Variants in MACF1 observed in about 807,000 individuals in gnomAD.
MACF1 encodes microtubule actin crosslinking factor 1.
A neutral mutation model predicts 854.8 loss-of-function variants in MACF1; 193 were observed. The ratio of observed to expected loss-of-function variants is 0.23; its 90% CI spans 0.20 to 0.25. The LOEUF (loss-of-function observed/expected upper bound fraction) is 0.25, where lower values mean the gene tolerates loss of function less well. Among genes scored for constraint, MACF1 ranks in the 10% least tolerant of loss-of-function variants. The pLI is 1.00. For synonymous variants in MACF1, 3,185 were observed against 3,226.7 expected, an observed-to-expected ratio of 0.99 and a Z score of 0.44; for missense variants, 7,722 against 8,929.1, an observed-to-expected ratio of 0.86 and a Z score of 5.45.
Position 39,385,736 on chromosome 1 carries a change from G to C in MACF1, c.14151G>C (p.Glu4717Asp), listed in dbSNP as rs768846224. Residue 4717 changes from glutamate to aspartate, a missense_variant, in exon 57 of 101, where the codon GAG becomes GAC. Physicochemically the swap from Glu to Asp is conservative, Grantham distance 45. This residue lies in a region of MACF1 where 2,807 missense variants were observed against 3,235.8 expected (regional missense o/e 0.87). Transcript: ENST00000564288. ...AGTCAGCTATCAGCACCCAACCAGAGGCTGTAAAGCAGCAATTGGAAGAGA... is the reference window on the plus strand; with the variant it reads ...AGTCAGCTATCAGCACCCAACCAGACGCTGTAAAGCAGCAATTGGAAGAGA... The part of the protein sequence containing the change: ...SVQSAISTQP[E>D]AVKQQLEETS... The C allele has an allele frequency of 6.2e-7, 1 of 1,614,102 alleles. No homozygotes were observed. The highest frequency in any genetic ancestry group is 8.5e-7 in the Non-Finnish European group (1 of 1,180,024).
chr1:39,115,580 G>A (rs1316869311), intron 2 of MACF1, among the ~76,000 whole-genome samples: 1 of 152,134 alleles, frequency 6.6e-6, no homozygotes, highest in Non-Finnish European at 1.5e-5. Context: ...TCTGAGGGAT[G>A]CTAGGTAGAG....
chr1:39,393,541 G>A (rs1015807336), intron 58 of MACF1, among the ~76,000 whole-genome samples: 1 of 152,010 alleles, frequency 6.6e-6, no homozygotes, highest in African/African-American at 2.4e-5. Context: ...AGGCACAGTG[G>A]CTCACACCTA....
chr1:39,436,578 T>G (rs147693306), intron 70 of MACF1: 2 of 1,269,002 alleles, frequency 1.6e-6, no homozygotes, highest in Non-Finnish European at 2.3e-6. Flanking sequence ...CCCTTAACTT[T>G]AGTGGAATAA....
At chr1:39,450,315 T>G (rs1346954364) in intron 84 of MACF1, among the ~76,000 whole-genome samples, 1 of 151,312 alleles carries the variant, frequency 6.6e-6, no homozygotes, top group Non-Finnish European at 1.5e-5. Flanking sequence ...TTTTTTTTTT[T>G]TATGAGGTGA....
intron 2 of MACF1, among the ~76,000 whole-genome samples, chr1:39,093,305 C>CTTT (rs34921076): frequency 1.7e-4 from 9 of 54,124 alleles, no homozygotes; most frequent in Non-Finnish European, 2.3e-4. Context: ...TACTCCACTT[C>CTTT]TTTTTTTTTT....
At chr1:39,368,925 A>G (rs1009947352) in intron 50 of MACF1, among the ~76,000 whole-genome samples, 1 of 152,150 alleles carries the variant, frequency 6.6e-6, no homozygotes, top group Admixed American at 6.5e-5. Flanking sequence ...AGATTACAGA[A>G]TAATTTTGAA....
At chr1:39,450,920 T>C in intron 84 of MACF1, 132 bp from the exon 85 acceptor site, 2 of 1,084,246 alleles carry the variant, frequency 1.8e-6, no homozygotes, top group Non-Finnish European at 2.7e-6. Context: ...CTTTACTGTA[T>C]TTCTAACTGT....
rs368764590 is a variant in MACF1 at position 39,385,673 on chromosome 1, A to G, written c.14088A>G (p.Ser4696=). ...ACCAGGAACTGCTCCAGGACTTATC[A>G]GAGAAGGTGAGGGCAGTTGGACAAC... ...TQYQELLQDL[S]EKVRAVGQRL... The change falls in exon 57 of 101, where the codon TCA becomes TCG. Residue 4696 remains serine, a synonymous_variant. Coordinates refer to ENST00000564288, the MANE Select transcript of MACF1 (RefSeq NM_001394062.1). 1.2e-5 allele frequency: 19 copies of G among 1,614,100 alleles called. No homozygotes were observed. The highest frequency in any genetic ancestry group is 1.6e-5 in the Non-Finnish European group (19 of 1,180,044).
rs1432759948 is a variant in MACF1 at position 39,323,019 on chromosome 1, T to C, written c.4236+11T>C. 3 of 1,612,962 alleles carry C rather than the reference T, an allele frequency of 1.9e-6. No individual in the cohort carries two copies. The highest frequency in any genetic ancestry group is 2.2e-5 in the South Asian group (2 of 91,062). ...CTGGAGGAGGAGGAGGTGAGGACAGTTGGGTCCAAAGTCATCTTGAAAGTA... is the reference window on the plus strand; with the variant it reads ...CTGGAGGAGGAGGAGGTGAGGACAGCTGGGTCCAAAGTCATCTTGAAAGTA... On this transcript the variant is annotated intron_variant, in intron 33 of 100. Transcript: ENST00000564288.
chr1:39,262,305 G>C (rs1645172033), intron 6 of MACF1, among the ~76,000 whole-genome samples: 1 of 141,348 alleles, frequency 7.1e-6, no homozygotes, highest in African/African-American at 2.6e-5. Flanking sequence ...AGGCTGCAAA[G>C]CATGAGAATC....
chr1:39,385,880 G>A lies in MACF1; in HGVS notation c.14295G>A (p.Lys4765=), dbSNP rs1413530556. 5 of 1,613,838 alleles carry A rather than the reference G, an allele frequency of 3.1e-6. No homozygotes were observed. The highest frequency in any genetic ancestry group is 4.2e-6 in the Non-Finnish European group (5 of 1,179,874). The part of the protein sequence containing the change: ...GEQYLKDELK[K]RLETVALPLQ... ...AGTACCTCAAGGATGAACTGAAGAA[G>A]CGTTTGGAGACAGTTGCCCTGCCTC... The change falls in exon 57 of 101, where the codon AAG becomes AAA. Residue 4765 remains lysine, a synonymous_variant. Transcript: ENST00000564288.
chr1:39,284,247 A>C, intron 10 of MACF1, 62 bp downstream of exon 10: 3 of 1,592,054 alleles, frequency 1.9e-6, no homozygotes, highest in Non-Finnish European at 2.6e-6. Context: ...CTCCAAGCTT[A>C]TCACTGCTGG....
chr1:39,310,516 T>G, intron 25 of MACF1, 88 bp downstream of exon 25: 1 of 1,345,454 alleles, frequency 7.4e-7, no homozygotes, highest in Non-Finnish European at 1.0e-6. Flanking sequence ...AATGAGAGAG[T>G]AACATCACCA....
intron 94 of MACF1, chr1:39,464,251 G>A (rs1644615560): frequency 6.5e-6 from 1 of 153,296 alleles, no homozygotes; most frequent in African/African-American, 2.4e-5. Context: ...GGACATAGAA[G>A]GATCTGAAAC....
rs1441743098 is a variant in MACF1, at chr1:39,331,341, A to G, written c.4753A>G (p.Ile1585Val). The G allele has an allele frequency of 6.2e-7, 1 of 1,613,828 alleles. No homozygotes were observed. The highest frequency in any genetic ancestry group is 8.5e-7 in the Non-Finnish European group (1 of 1,179,988). ...LESQVIMSGL[I>V]APETGENLSL... ...ATCTCAGGTTATCATGTCTGGCCTC[A>G]TTGCCCCTGAGACGGGTGAAAACCT... The change falls in exon 37 of 101, where the codon ATT (isoleucine) becomes GTT (valine). Residue 1585 changes from isoleucine (I) to valine (V), a missense_variant. Ile to Val is a conservative substitution (Grantham distance 29, BLOSUM62 3). Transcript: ENST00000564288.
At chr1:39,442,377 T>C (rs1421722559) in intron 76 of MACF1, 35 bp from the exon 77 acceptor site, 1 of 1,608,076 alleles carries the variant, frequency 6.2e-7, no homozygotes, top group Non-Finnish European at 8.5e-7. Context: ...TCTAATTTCG[T>C]ATTGAATATT....
intron 97 of MACF1, among the ~76,000 whole-genome samples, chr1:39,477,436 GCTGGTCTCCAAC>G (rs1570229562): frequency 1.3e-5 from 2 of 151,810 alleles, no homozygotes; most frequent in South Asian, 4.2e-4. Flanking sequence ...TGTTGTCCAG[GCTGGTCTCCAAC>G]CTGGGCTCGA....
chr1:39,308,368 C>T (rs965513826), intron 23 of MACF1, among the ~76,000 whole-genome samples: 1 of 151,872 alleles, frequency 6.6e-6, no homozygotes, highest in Non-Finnish European at 1.5e-5. Flanking sequence ...ATTTCCTGAA[C>T]TTTGAATTTC....
chr1:39,295,653 CCAGT>C, intron 19 of MACF1, 130 bp from the exon 20 acceptor site: 1 of 640,558 alleles, frequency 1.6e-6, no homozygotes, highest in Admixed American at 3.1e-5. Context: ...TGAGCAGATG[CCAGT>C]CAAGTATCTC....
Sources: gnomAD v4.1 joint callset for allele counts (sites outside exome capture counted in the v4.1 genomes callset) on GRCh38, gnomAD v4.1.1 for gene constraint, gnomAD v4.1.1 regional missense constraint, MANE v1.5 for transcripts, NCBI Gene and HGNC (gene_info 2026-07-23, HGNC 2026-07-21) for gene names.